The following CREBBP variants were observed in gnomAD, a reference collection of about 807,000 sequenced individuals.
CREBBP encodes CREB binding lysine acetyltransferase, also known as CREB-binding protein.
Under a neutral mutation model 265.0 loss-of-function variants are expected in CREBBP, and 19 were observed. The ratio of observed to expected loss-of-function variants is 0.07; its 90% CI spans 0.05 to 0.11. CREBBP has a LOEUF of 0.11. CREBBP is among the 10% of genes least tolerant of loss of function. CREBBP has a pLI of 1.00. For synonymous variants in CREBBP, 1,457 were observed against 1,223.7 expected (o/e 1.19, Z -3.98); for missense variants, 2,525 against 3,219.0 (o/e 0.78, Z 5.22).
intron 1 of CREBBP, among the ~76,000 whole-genome samples, chr16:3,867,809 A>G (rs2055208227): frequency 6.6e-6 from 1 of 151,630 alleles, no homozygotes; most frequent in Admixed American, 6.6e-5. Context: ...TGCACCTGTC[A>G]TCCTAGCTAC....
intron 16 of CREBBP, chr16:3,761,590 G>C (rs199808139): frequency 1.9e-6 from 1 of 518,486 alleles, no homozygotes; most frequent in Non-Finnish European, 3.9e-6. Context: ...AACCTCCGCA[G>C]ACACCGCCTC....
chr16:3,774,714 G>A lies in CREBBP; in HGVS notation c.2159-21C>T, dbSNP rs373959280. On this transcript the variant is annotated intron_variant, in intron 11 of 30. Transcript: ENST00000262367. ...CATCCCTGTAAATGTACCCACAACG[G>A]TTCATTAGGAAAAGCACCCACAGGA... is the stretch of plus-strand genomic sequence containing the variant. 272 of 1,613,918 alleles carry A rather than the reference G, an allele frequency of 1.7e-4. 1 individual carries two copies. The highest frequency in any genetic ancestry group is 2.2e-4 in the Non-Finnish European group (262 of 1,180,004).
At chr16:3,840,803 G>C (rs943956136) in intron 2 of CREBBP, 1 of 154,592 alleles carries the variant, frequency 6.5e-6, no homozygotes, top group African/African-American at 2.4e-5. Flanking sequence ...TGTCTATGCA[G>C]AAAGAAAGGA....
At chr16:3,806,267 C>T (rs990736478) in intron 3 of CREBBP, among the ~76,000 whole-genome samples, 2 of 152,196 alleles carry the variant, frequency 1.3e-5, no homozygotes, top group African/African-American at 4.8e-5. Context: ...CCAGCCACAC[C>T]ACCCTTCCAT....
At chr16:3,820,113 T>C (rs1219460131) in intron 2 of CREBBP, among the ~76,000 whole-genome samples, 1 of 152,240 alleles carries the variant, frequency 6.6e-6, no homozygotes, top group Non-Finnish European at 1.5e-5. Flanking sequence ...TTTATCATTT[T>C]CAATGACATA....
chr16:3,850,190 C>G, intron 2 of CREBBP, 107 bp downstream of exon 2: 1 of 1,083,772 alleles, frequency 9.2e-7, no homozygotes, highest in Non-Finnish European at 1.4e-6. Flanking sequence ...ACGTGGAGAG[C>G]CCAAGAGGAA....
intron 1 of CREBBP, among the ~76,000 whole-genome samples, chr16:3,878,569 G>A (rs189769462): frequency 9.2e-5 from 14 of 152,238 alleles, no homozygotes; most frequent in African/African-American, 3.1e-4. Context: ...CAAAATTCAG[G>A]TTTTGTTTCA....
At chr16:3,755,881 C>T (rs2052574044) in intron 19 of CREBBP, among the ~76,000 whole-genome samples, 1 of 152,120 alleles carries the variant, frequency 6.6e-6, no homozygotes, top group East Asian at 1.9e-4. Flanking sequence ...TGTTTCACTA[C>T]ACTGAACAGT....
intron 2 of CREBBP, among the ~76,000 whole-genome samples, chr16:3,817,084 G>A (rs948133103): frequency 2.6e-5 from 4 of 152,192 alleles, no homozygotes; most frequent in Admixed American, 2.0e-4. Context: ...CTGAAAAGTC[G>A]GGCAGAACGA....
intron 2 of CREBBP, among the ~76,000 whole-genome samples, chr16:3,841,174 T>C (rs2054559734): frequency 6.6e-6 from 1 of 152,162 alleles, no homozygotes; most frequent in African/African-American, 2.4e-5. Context: ...TAGTGATGTA[T>C]AAGGGGTCTG....
At chr16:3,782,539 T>G (rs1366802578) in intron 6 of CREBBP, 145 bp downstream of exon 6, 1 of 1,081,982 alleles carries the variant, frequency 9.2e-7, no homozygotes, top group African/African-American at 1.6e-5. Context: ...CATCAGATAC[T>G]TCAGCTTTTT....
rs1000883060 is a variant in CREBBP, at chr16:3,822,467, C to A, written c.799-11688G>T. Among the ~76,000 whole-genome samples the A allele has an allele frequency of 9.2e-5, 14 of 152,196 alleles. No homozygotes were observed. The South Asian group carries it at 2.9e-3, about 32-fold the overall frequency. ...ACTGTGTTCCTCCTCTACTTTGGGGCAGGAAAACAGAACTAATTCTTGAAC... is the reference window on the plus strand; with the variant it reads ...ACTGTGTTCCTCCTCTACTTTGGGGAAGGAAAACAGAACTAATTCTTGAAC... On this transcript the variant is annotated intron_variant, in intron 2 of 30. Transcript: ENST00000262367.
chr16:3,852,617 A>C (rs2054876095), intron 1 of CREBBP, among the ~76,000 whole-genome samples: 1 of 152,234 alleles, frequency 6.6e-6, no homozygotes, highest in Admixed American at 6.5e-5. Context: ...TAAGAGCCTA[A>C]AAGTATTTGT....
chr16:3,820,989 G>C (rs759020526), intron 2 of CREBBP, among the ~76,000 whole-genome samples: 1 of 152,194 alleles, frequency 6.6e-6, no homozygotes, highest in Non-Finnish European at 1.5e-5. Flanking sequence ...AGTTAGAGAC[G>C]CTGGTTCCCC....
intron 2 of CREBBP, among the ~76,000 whole-genome samples, chr16:3,829,467 T>A (rs1030171136): frequency 2.6e-5 from 4 of 152,306 alleles, no homozygotes; most frequent in Admixed American, 6.5e-5. Context: ...TGTAACTAAG[T>A]GTGCAGGACT....
intron 3 of CREBBP, among the ~76,000 whole-genome samples, chr16:3,803,311 C>G (rs2053762753): frequency 8.4e-6 from 1 of 118,402 alleles, no homozygotes; most frequent in Non-Finnish European, 1.7e-5. Flanking sequence ...TCAAGACCAG[C>G]CTGGCCAACA....
intron 2 of CREBBP, among the ~76,000 whole-genome samples, chr16:3,849,444 TGTGTGTG>T (rs2054766334): frequency 4.0e-5 from 1 of 24,836 alleles, no homozygotes; most frequent in African/African-American, 7.0e-5. Flanking sequence ...TGTGTGTGTG[TGTGTGTG>T]TGTGTGTGTG....
At position 3,728,896 on chromosome 16, in the gene CREBBP, G is replaced by C; in HGVS notation, c.6151C>G (p.Pro2051Ala). 3.1e-6 allele frequency: 5 copies of C among 1,609,010 alleles called. No individual in the cohort carries two copies. Among genetic ancestry groups the C allele is most frequent in the Non-Finnish European group, 3.4e-6 (4 of 1,179,390 alleles). Residue 2051 changes from proline to alanine, a missense_variant, in exon 31 of 31, where the codon CCC becomes GCC. Coordinates refer to ENST00000262367, the MANE Select transcript of CREBBP (RefSeq NM_004380.3). The surrounding 1 kb of genome is among the most constrained non-coding windows in gnomAD (Gnocchi z 8.7). ...GGTGGCTGCACGCTGGGCATCCGGG[G>C]CCCAGCCACGGCCGCCTGGGCCTGC... ...SMQAQAAVAG[P>A]RMPSVQPPRS...
At chr16:3,792,202 A>T in intron 4 of CREBBP, 108 bp from the exon 5 acceptor site, 6 of 964,066 alleles carry the variant, frequency 6.2e-6, no homozygotes, top group Non-Finnish European at 9.9e-6. Flanking sequence ...TAACAAGTGT[A>T]ACCATAACAC....
Sources: gnomAD v4.1 joint callset for allele counts (sites outside exome capture counted in the v4.1 genomes callset) on GRCh38, gnomAD v4.1.1 for gene constraint, Gnocchi (gnomAD v3.1) non-coding constraint, MANE v1.5 for transcripts, NCBI Gene and HGNC (gene_info 2026-07-23, HGNC 2026-07-21) for gene names.